Variants in SORD observed in about 807,000 individuals in gnomAD.
The protein encoded by SORD is (R,R)-butanediol dehydrogenase.
A neutral mutation model predicts 35.6 loss-of-function variants in SORD; 18 were observed. The observed-to-expected ratio is 0.51, with a 90% CI of 0.35 to 0.75. SORD has a LOEUF of 0.75. Ranked by LOEUF, SORD falls within the 30% of genes least tolerant of loss-of-function variation. The pLI, the probability that SORD is intolerant of heterozygous loss-of-function variation, is 0.01. For missense variants in SORD, 250 were observed against 390.2 expected (o/e 0.64, Z 3.03); for synonymous variants, 106 against 152.9 (o/e 0.69, Z 2.26).
intron 3 of SORD, among the ~76,000 whole-genome samples, chr15:45,047,583 A>G (rs1893064149): frequency 6.6e-6 from 1 of 152,228 alleles, no homozygotes; most frequent in Non-Finnish European, 1.5e-5. Context: ...GGCATTTGGT[A>G]AATGGCAGGA....
chr15:45,057,027 C>T (rs971086479), intron 3 of SORD, among the ~76,000 whole-genome samples: 4 of 152,230 alleles, frequency 2.6e-5, no homozygotes, highest in African/African-American at 9.7e-5. Flanking sequence ...TTCCTTTAGA[C>T]AGTCGTAACC....
At chr15:45,071,226 C>T (rs2437868) in intron 7 of SORD, among the ~76,000 whole-genome samples, 100,429 of 151,898 alleles carry the variant, frequency 0.66, 39,528 homozygotes, top group South Asian at 0.89. Context: ...GGCATCTTGG[C>T]AGCTTGGAAT....
At chr15:45,035,428 T>C (rs144574271) in intron 1 of SORD, among the ~76,000 whole-genome samples, 155 of 152,010 alleles carry the variant, frequency 1.0e-3, no homozygotes, top group African/African-American at 3.6e-3. Context: ...TCAGGGTTTA[T>C]GAATGCACCA....
At chr15:45,038,781 C>T (rs531691609) in intron 1 of SORD, among the ~76,000 whole-genome samples, 21 of 152,268 alleles carry the variant, frequency 1.4e-4, no homozygotes, top group Admixed American at 1.2e-3. Context: ...TTGTTTAGTG[C>T]GGTGGGGCTG....
chr15:45,046,241 T>C (rs531862081), intron 3 of SORD, among the ~76,000 whole-genome samples: 5 of 151,994 alleles, frequency 3.3e-5, no homozygotes, highest in African/African-American at 1.2e-4. Flanking sequence ...AAGAGACAAA[T>C]ATAGACATTT....
intron 1 of SORD, among the ~76,000 whole-genome samples, chr15:45,024,907 C>A (rs1892646755): frequency 6.6e-6 from 1 of 152,244 alleles, no homozygotes; most frequent in Non-Finnish European, 1.5e-5. Flanking sequence ...GGGCCCTTGG[C>A]CCTCTATCTG....
At chr15:45,050,684 G>A (rs530845305) in intron 3 of SORD, 2 of 152,232 alleles carry the variant, frequency 1.3e-5, no homozygotes, top group East Asian at 3.9e-4. Context: ...AAAAGAAGAT[G>A]GATTCTTACT....
intron 1 of SORD, among the ~76,000 whole-genome samples, chr15:45,031,257 G>A (rs930203130): frequency 6.6e-6 from 1 of 152,138 alleles, no homozygotes; most frequent in Non-Finnish European, 1.5e-5. Context: ...GTTCGAGATT[G>A]TGGTGAGCTA....
chr15:45,045,774 C>A (rs1893038395), intron 3 of SORD, among the ~76,000 whole-genome samples: 1 of 152,036 alleles, frequency 6.6e-6, no homozygotes, highest in Non-Finnish European at 1.5e-5. Flanking sequence ...GAGGCCGAGG[C>A]AGAAAAATTG....
intron 7 of SORD, among the ~76,000 whole-genome samples, chr15:45,069,263 G>T (rs371702533): frequency 2.2e-5 from 3 of 133,956 alleles, no homozygotes; most frequent in Admixed American, 9.2e-5. Flanking sequence ...CTGGAGTGCC[G>T]TGGCTCGATC....
At chr15:45,025,334 T>C (rs1340336968) in intron 1 of SORD, among the ~76,000 whole-genome samples, 1 of 152,140 alleles carries the variant, frequency 6.6e-6, no homozygotes, top group East Asian at 1.9e-4. Context: ...GTTTGAAAAG[T>C]TGAGTTTAAG....
chr15:45,057,396 T>C (rs895029262), intron 3 of SORD, among the ~76,000 whole-genome samples: 2 of 152,256 alleles, frequency 1.3e-5, no homozygotes, highest in Non-Finnish European at 2.9e-5. Flanking sequence ...TAGGTTTGTT[T>C]AATGTCTTAT....
At chr15:45,036,353 G>A (rs1439279269) in intron 1 of SORD, 14 of 455,790 alleles carry the variant, frequency 3.1e-5, no homozygotes, top group Admixed American at 3.1e-4. Context: ...TGGTAAAGAA[G>A]AATTACTCAA....
rs568680436 is a variant in SORD, at chr15:45,061,320, C to G, written c.425+94C>G. 5.1e-6 allele frequency: 7 copies of G among 1,380,458 alleles called. No homozygotes were observed. The South Asian group carries it at 8.9e-5, about 18-fold the overall frequency. 85.5% of individuals were successfully genotyped at this position (1,380,458 alleles called of 1,614,324 possible). ...GTGGTTATTTCTTTATTCTTTTCAGCTCATAATTCCAAACATGAGGCATCA... is the reference window on the plus strand; with the variant it reads ...GTGGTTATTTCTTTATTCTTTTCAGGTCATAATTCCAAACATGAGGCATCA... On this transcript the variant is annotated intron_variant, in intron 4 of 8. Coordinates refer to ENST00000267814, the MANE Select transcript of SORD (RefSeq NM_003104.6).
At position 45,035,728 on chromosome 15, in the gene SORD, C is replaced by T. The variant is rs566287110; in HGVS notation, c.67-4680C>T. Among the ~76,000 whole-genome samples, 23 of 152,322 alleles carry T rather than the reference C, an allele frequency of 1.5e-4. 1 individual carries two copies. In the East Asian group the frequency reaches 4.2e-3, roughly 28 times the overall value. Reference sequence around the variant, plus strand: ...TACACACTGCCTTTATGAGCTGTAACACTCACCGTGAAGGTCTGCAGCTTC... The same window carrying T: ...TACACACTGCCTTTATGAGCTGTAATACTCACCGTGAAGGTCTGCAGCTTC... On this transcript the variant is annotated intron_variant, in intron 1 of 8. Transcript: ENST00000267814.
chr15:45,023,445 G>C, intron 1 of SORD, 96 bp downstream of exon 1: 1 of 1,131,684 alleles, frequency 8.8e-7, no homozygotes, highest in Non-Finnish European at 1.2e-6. Context: ...GCCTGGCGCC[G>C]GCCCCGCACC....
intron 1 of SORD, among the ~76,000 whole-genome samples, chr15:45,034,302 A>T (rs186004796): frequency 1.3e-5 from 2 of 151,536 alleles, no homozygotes; most frequent in African/African-American, 4.8e-5. Flanking sequence ...CAGTTCCAGA[A>T]TCTGAGTTCA....
chr15:45,027,819 G>T (rs1305350607), intron 1 of SORD, among the ~76,000 whole-genome samples: 1 of 152,226 alleles, frequency 6.6e-6, no homozygotes, highest in African/African-American at 2.4e-5. Context: ...TGGGGGTGGT[G>T]GGAAGCTTGT....
chr15:45,026,850 G>A (rs1439721540), intron 1 of SORD, among the ~76,000 whole-genome samples: 4 of 150,330 alleles, frequency 2.7e-5, no homozygotes, highest in African/African-American at 1.0e-4. Context: ...GTCTGGGGCA[G>A]TGGTTCTGTG....
Sources: gnomAD v4.1 joint callset for allele counts (sites outside exome capture counted in the v4.1 genomes callset) on GRCh38, gnomAD v4.1.1 for gene constraint, MANE v1.5 for transcripts, NCBI Gene and HGNC (gene_info 2026-07-23, HGNC 2026-07-21) for gene names.